LARGE1: variants seen among roughly 807,000 people sequenced by gnomAD.
LARGE1 encodes the protein LARGE xylosyl- and glucuronyltransferase 1, also known as xylosyl- and glucuronyltransferase LARGE1.
In LARGE1, 43 loss-of-function variants were observed where a neutral mutation model predicts 87.6. The ratio of observed to expected loss-of-function variants is 0.49; its 90% CI spans 0.38 to 0.63. The LOEUF is 0.63. LARGE1 is among the 30% of genes least tolerant of loss of function. The probability of loss-of-function intolerance (pLI) is 0.00; values close to 1 mark genes in which losing one functional copy is unlikely to be tolerated. For missense variants in LARGE1, 802 were observed against 1,000.2 expected (o/e 0.80, Z 2.67); for synonymous variants, 434 against 394.6 (o/e 1.10, Z -1.18).
intron 9 of LARGE1, among the ~76,000 whole-genome samples, chr22:33,358,914 T>C (rs141346167): frequency 0.076 from 11,473 of 151,236 alleles, 514 homozygotes; most frequent in South Asian, 0.14. Flanking sequence ...AGGAGAATGG[T>C]GTGAACCCGG....
rs145663779 is a variant in LARGE1, at chr22:33,496,140, T to C, written c.788-63875A>G. Reference sequence around the variant, plus strand: ...GGAAGCATCCAGCATAGGAGAAAGATGGAGGCCAGAAGACTAAACTAGTCT... The same window carrying C: ...GGAAGCATCCAGCATAGGAGAAAGACGGAGGCCAGAAGACTAAACTAGTCT... On this transcript the variant is annotated intron_variant, in intron 6 of 14. Transcript: ENST00000397394. Among the ~76,000 whole-genome samples the C allele has an allele frequency of 8.5e-3, 1,296 of 152,240 alleles. 17 individuals are homozygous for C. Among genetic ancestry groups the C allele is most frequent in the African/African-American group, 0.03 (1,250 of 41,544 alleles).
At chr22:33,727,133 T>C (rs914774646) in intron 2 of LARGE1, among the ~76,000 whole-genome samples, 2 of 152,214 alleles carry the variant, frequency 1.3e-5, no homozygotes, top group Non-Finnish European at 2.9e-5. Context: ...AAGACAGTTA[T>C]GGATGGGCTC....
intron 6 of LARGE1, among the ~76,000 whole-genome samples, chr22:33,482,642 A>G (rs1427368043): frequency 5.3e-5 from 8 of 152,148 alleles, no homozygotes; most frequent in African/African-American, 1.4e-4. Flanking sequence ...CGTTCTGGCC[A>G]TGGTTTGGCC....
At chr22:33,192,238 A>G (rs137421) in intron 11 of LARGE1, among the ~76,000 whole-genome samples, 95,485 of 152,020 alleles carry the variant, frequency 0.63, 30,473 homozygotes, top group African/African-American at 0.71. Context: ...TTAGAGGTGA[A>G]GGAACTGAGA....
At chr22:33,756,044 G>A (rs151301850) in intron 2 of LARGE1, among the ~76,000 whole-genome samples, 57 of 152,300 alleles carry the variant, frequency 3.7e-4, no homozygotes, top group African/African-American at 1.3e-3. Flanking sequence ...GACCGCAAGA[G>A]TGAAAATTAA....
chr22:33,504,360 A>T (rs1034199484), intron 6 of LARGE1, among the ~76,000 whole-genome samples: 8 of 152,166 alleles, frequency 5.3e-5, no homozygotes, highest in Non-Finnish European at 8.8e-5. Context: ...CCCGGGTTCA[A>T]GCAATTCTCC....
At chr22:33,806,353 G>C (rs1180762103) in intron 1 of LARGE1, among the ~76,000 whole-genome samples, 2 of 152,196 alleles carry the variant, frequency 1.3e-5, no homozygotes, top group Non-Finnish European at 2.9e-5. Context: ...ACACACGTGA[G>C]CAAGCTGCAG....
rs144271638 is a variant in LARGE1, at chr22:33,422,489, C to T, written c.892+9672G>A. 1.8e-3 allele frequency among the ~76,000 whole-genome samples: 266 copies of T among 150,716 alleles called. 2 individuals are homozygous for T. The highest frequency in any genetic ancestry group is 2.7e-3 in the East Asian group (14 of 5,128). Reference sequence around the variant, plus strand: ...CAGAGCAGGAGCAGGAGACAGAGAACGAGCTTGGAAGTGCTACACACTTTT... The same window carrying T: ...CAGAGCAGGAGCAGGAGACAGAGAATGAGCTTGGAAGTGCTACACACTTTT... On this transcript the variant is annotated intron_variant, in intron 7 of 14. Transcript: ENST00000397394.
intron 5 of LARGE1, among the ~76,000 whole-genome samples, chr22:33,586,746 C>A (rs1285338447): frequency 6.6e-6 from 1 of 152,096 alleles, no homozygotes; most frequent in Non-Finnish European, 1.5e-5. Context: ...CGTGAGCCAC[C>A]GCGCCCAGCT....
chr22:33,681,736 G>T (rs1356856396), intron 2 of LARGE1, among the ~76,000 whole-genome samples: 1 of 152,090 alleles, frequency 6.6e-6, no homozygotes, highest in Non-Finnish European at 1.5e-5. Context: ...TAGTGGCTGG[G>T]GTTTCTGTGT....
At chr22:33,300,031 A>T (rs1933926198) in intron 12 of LARGE1, among the ~76,000 whole-genome samples, 1 of 152,216 alleles carries the variant, frequency 6.6e-6, no homozygotes, top group African/African-American at 2.4e-5. Context: ...AACATGCTGA[A>T]CTTTTTTTGG....
chr22:33,381,115 T>C (rs1201206180), intron 9 of LARGE1, among the ~76,000 whole-genome samples: 1 of 152,224 alleles, frequency 6.6e-6, no homozygotes, highest in Non-Finnish European at 1.5e-5. Context: ...ACTGGCTTGC[T>C]GAGGGGACAG....
At chr22:33,651,653 T>A (rs2080822433) in intron 2 of LARGE1, among the ~76,000 whole-genome samples, 1 of 152,290 alleles carries the variant, frequency 6.6e-6, no homozygotes, top group African/African-American at 2.4e-5. Context: ...GGGAGTTCAA[T>A]GTAGGCAAAG....
intron 6 of LARGE1, among the ~76,000 whole-genome samples, chr22:33,561,605 C>G (rs774080923): frequency 6.6e-6 from 1 of 152,208 alleles, no homozygotes; most frequent in African/African-American, 2.4e-5. Flanking sequence ...ACAGTCCCAA[C>G]AGTAAGCTAT....
chr22:33,487,027 T>G (rs576415106), intron 6 of LARGE1, among the ~76,000 whole-genome samples: 1 of 152,344 alleles, frequency 6.6e-6, no homozygotes, highest in Non-Finnish European at 1.5e-5. Flanking sequence ...TTACATTCGC[T>G]CTGGATGAGT....
At chr22:33,503,906 A>C (rs903611839) in intron 6 of LARGE1, among the ~76,000 whole-genome samples, 9 of 152,214 alleles carry the variant, frequency 5.9e-5, no homozygotes, top group Non-Finnish European at 8.8e-5. Flanking sequence ...GGATAAACAA[A>C]ATGTGGTTTA....
intron 9 of LARGE1, among the ~76,000 whole-genome samples, chr22:33,371,911 G>A (rs1309829806): frequency 1.3e-5 from 2 of 151,770 alleles, no homozygotes; most frequent in Non-Finnish European, 2.9e-5. Flanking sequence ...GTGAATGTGG[G>A]AGGCAGAGCT....
At chr22:33,465,149 G>A (rs2068554671) in intron 6 of LARGE1, among the ~76,000 whole-genome samples, 2 of 152,192 alleles carry the variant, frequency 1.3e-5, no homozygotes, top group South Asian at 2.1e-4. Context: ...TTTACATGGC[G>A]CGACATTGAT....
chr22:33,741,486 T>C (rs189536668), intron 2 of LARGE1, among the ~76,000 whole-genome samples: 8 of 152,324 alleles, frequency 5.3e-5, no homozygotes, highest in Admixed American at 5.2e-4. Context: ...CCTGGATTAG[T>C]TGCAAACATT....
Sources: allele counts gnomAD v4.1 joint callset (sites outside exome capture counted in the v4.1 genomes callset), GRCh38; gene constraint gnomAD v4.1.1; transcripts MANE v1.5; gene names NCBI Gene and HGNC (gene_info 2026-07-23, HGNC 2026-07-21).